The following ELP4 variants were observed in gnomAD, a reference collection of about 807,000 sequenced individuals.
ELP4 encodes elongator acetyltransferase complex subunit 4, also known as elongator complex protein 4.
Under a neutral mutation model 48.9 loss-of-function variants are expected in ELP4, and 51 were observed. The observed-to-expected ratio is 1.04, with a 90% CI of 0.83 to 1.32. The LOEUF (loss-of-function observed/expected upper bound fraction) is 1.32. ELP4 is among the 40% of genes most tolerant of loss of function. ELP4 has a pLI of 0.00. For synonymous variants in ELP4, 210 were observed against 189.2 expected (o/e 1.11, Z -0.90); for missense variants, 519 against 514.6 (o/e 1.01, Z -0.08).
At chr11:31,568,297 C>G (rs867333661) in intron 3 of ELP4, among the ~76,000 whole-genome samples, 1 of 152,064 alleles carries the variant, frequency 6.6e-6, no homozygotes, top group Non-Finnish European at 1.5e-5. Flanking sequence ...AGAGATGACA[C>G]AAATGAAAAA....
intron 9 of ELP4, among the ~76,000 whole-genome samples, chr11:31,665,915 A>G (rs1233905138): frequency 6.6e-6 from 1 of 151,848 alleles, no homozygotes; most frequent in African/African-American, 2.4e-5. Flanking sequence ...TAGGCCTCTC[A>G]AAGTGCTGGG....
At chr11:31,642,859 A>C (rs1019445868) in intron 7 of ELP4, among the ~76,000 whole-genome samples, 13 of 151,840 alleles carry the variant, frequency 8.6e-5, no homozygotes, top group African/African-American at 3.1e-4. Context: ...AAAAGTTAAA[A>C]ATGTAGTATA....
At chr11:31,589,008 C>T (rs1389973148) in intron 3 of ELP4, among the ~76,000 whole-genome samples, 5 of 151,948 alleles carry the variant, frequency 3.3e-5, no homozygotes, top group Non-Finnish European at 7.4e-5. Flanking sequence ...AATTAAAAAA[C>T]AAATAACATA....
intron 7 of ELP4, among the ~76,000 whole-genome samples, chr11:31,643,773 A>G (rs1265620997): frequency 1.3e-5 from 2 of 151,846 alleles, no homozygotes; most frequent in Admixed American, 6.6e-5. Flanking sequence ...TATAATGGCA[A>G]ACAGGAAACA....
At chr11:31,725,181 T>A (rs1024961112) in intron 9 of ELP4, among the ~76,000 whole-genome samples, 5 of 152,194 alleles carry the variant, frequency 3.3e-5, no homozygotes, top group African/African-American at 1.2e-4. Context: ...GGGCTAGATG[T>A]TTGAGTTTTT....
intron 9 of ELP4, among the ~76,000 whole-genome samples, chr11:31,733,588 A>G (rs1469555785): frequency 6.6e-6 from 1 of 152,146 alleles, no homozygotes; most frequent in African/African-American, 2.4e-5. Flanking sequence ...TTATAAGTCA[A>G]CAAATTGGAT....
chr11:31,604,369 AT>A (rs1348676296), intron 5 of ELP4, among the ~76,000 whole-genome samples: 1 of 151,832 alleles, frequency 6.6e-6, no homozygotes, highest in Admixed American at 6.6e-5. Context: ...TATTTTATTT[AT>A]GAAGGCTTTC....
rs375865843 is a variant in ELP4, at chr11:31,699,128, AGG to A, written c.1143+48909_1143+48910del. On this transcript the variant is annotated intron_variant, in intron 9 of 9. Coordinates refer to ENST00000640961, the MANE Select transcript of ELP4 (RefSeq NM_019040.5). ...AGAGCCTAGAAGCAATGACAACCCT[AGG>A]GAATACTCCAAGTACCCAAATATTG... Among the ~76,000 whole-genome samples, 304 of 152,312 alleles carry A rather than the reference AGG, an allele frequency of 2.0e-3. 1 individual carries two copies. Among genetic ancestry groups the A allele is most frequent in the African/African-American group, 7.0e-3 (289 of 41,570 alleles).
At chr11:31,550,315 T>G (rs1956825724) in intron 3 of ELP4, among the ~76,000 whole-genome samples, 1 of 152,076 alleles carries the variant, frequency 6.6e-6, no homozygotes, top group African/African-American at 2.4e-5. Context: ...AATGCAGAAT[T>G]TGGCGCATGA....
intron 9 of ELP4, among the ~76,000 whole-genome samples, chr11:31,658,086 C>T (rs1945476382): frequency 1.3e-5 from 2 of 151,906 alleles, no homozygotes; most frequent in Non-Finnish European, 2.9e-5. Context: ...TATTCTAAAG[C>T]CTGTGCTCTT....
chr11:31,712,704 A>C (rs1333975625), intron 9 of ELP4, among the ~76,000 whole-genome samples: 1 of 152,200 alleles, frequency 6.6e-6, no homozygotes, highest in Non-Finnish European at 1.5e-5. Flanking sequence ...ATAAAATAGC[A>C]CTGGATGCTG....
intron 6 of ELP4, 148 bp from the exon 7 acceptor site, chr11:31,632,069 C>T: frequency 3.6e-6 from 2 of 559,084 alleles, no homozygotes; most frequent in South Asian, 6.0e-5. Flanking sequence ...ATTTATACTG[C>T]TTTATGTACT....
chr11:31,704,933 C>A (rs926187016), intron 9 of ELP4, among the ~76,000 whole-genome samples: 1 of 151,656 alleles, frequency 6.6e-6, no homozygotes, highest in Non-Finnish European at 1.5e-5. Context: ...ATCGCTTGAA[C>A]CTGGGAGGCA....
At chr11:31,765,314 G>T (rs1948020874) in intron 9 of ELP4, among the ~76,000 whole-genome samples, 1 of 152,080 alleles carries the variant, frequency 6.6e-6, no homozygotes, top group Admixed American at 6.6e-5. Context: ...TCCTTATGAT[G>T]CCTCTGCAAT....
intron 2 of ELP4, among the ~76,000 whole-genome samples, chr11:31,529,501 C>T (rs901669931): frequency 2.6e-5 from 4 of 152,286 alleles, no homozygotes; most frequent in Non-Finnish European, 1.5e-5. Context: ...CAGTCGTAGA[C>T]ATTGAAGTTG....
At chr11:31,601,580 T>A (rs1957783990) in intron 4 of ELP4, among the ~76,000 whole-genome samples, 1 of 152,128 alleles carries the variant, frequency 6.6e-6, no homozygotes, top group Admixed American at 6.6e-5. Flanking sequence ...ACATTAATAT[T>A]GTAATTAGAA....
intron 7 of ELP4, among the ~76,000 whole-genome samples, chr11:31,641,085 ATT>A (rs1275323250): frequency 1.3e-5 from 2 of 151,802 alleles, no homozygotes; most frequent in Non-Finnish European, 2.9e-5. Flanking sequence ...ATATTGAATA[ATT>A]TTTCTGTAAA....
intron 9 of ELP4, among the ~76,000 whole-genome samples, chr11:31,671,773 A>G (rs780160995): frequency 2.9e-4 from 44 of 152,200 alleles, no homozygotes; most frequent in Non-Finnish European, 4.7e-4. Context: ...AGACTGCAGC[A>G]TCTCAAGGTA....
chr11:31,763,785 T>C (rs558680762), intron 9 of ELP4, among the ~76,000 whole-genome samples: 1 of 152,244 alleles, frequency 6.6e-6, no homozygotes, highest in South Asian at 2.1e-4. Context: ...TAACTTGTTC[T>C]CTGTCTGACT....
Sources: gnomAD v4.1 joint callset for allele counts (sites outside exome capture counted in the v4.1 genomes callset) on GRCh38, gnomAD v4.1.1 for gene constraint, MANE v1.5 for transcripts, NCBI Gene and HGNC (gene_info 2026-07-23, HGNC 2026-07-21) for gene names.